Variants in CD8B observed in about 807,000 individuals in gnomAD.
The protein encoded by CD8B is CD8 subunit beta.
A neutral mutation model predicts 24.2 loss-of-function variants in CD8B; 6 were observed. The observed-to-expected ratio is 0.25, with a 90% CI of 0.14 to 0.49. CD8B has a LOEUF of 0.49. Among genes scored for constraint, CD8B ranks in the 20% least tolerant of loss-of-function variants. The pLI is 0.98. For missense variants in CD8B, 196 were observed against 271.3 expected, an observed-to-expected ratio of 0.72 and a Z score of 1.95; for synonymous variants, 84 against 108.3, an observed-to-expected ratio of 0.78 and a Z score of 1.39.
At chr2:86,845,144 A>G (rs1328854714) in intron 4 of CD8B, among the ~76,000 whole-genome samples, 186 bp from the exon 5 acceptor site, 1 of 152,208 alleles carries the variant, frequency 6.6e-6, no homozygotes, top group Non-Finnish European at 1.5e-5. Context: ...TGAGTTGGAT[A>G]CTACTTTTAA....
At chr2:86,848,074 A>T (rs558745331) in intron 3 of CD8B, among the ~76,000 whole-genome samples, 1 of 146,234 alleles carries the variant, frequency 6.8e-6, no homozygotes, top group Admixed American at 7.0e-5. Context: ...TTACTTTTAC[A>T]AATAACTCTG....
intron 1 of CD8B, among the ~76,000 whole-genome samples, chr2:86,860,288 AAAAAATAAAAAT>A (rs1321574349): frequency 6.6e-6 from 1 of 152,156 alleles, no homozygotes; most frequent in South Asian, 2.1e-4. Flanking sequence ...AAAAATTATT[AAAAAATAAAAAT>A]AAAAATAAAA....
At chr2:86,844,980 G>C in intron 4 of CD8B, 22 bp from the exon 5 acceptor site, 2 of 1,556,622 alleles carry the variant, frequency 1.3e-6, no homozygotes, top group Admixed American at 1.9e-5. Flanking sequence ...AAGCAAGGGC[G>C]CCAGTCAGTG....
Position 86,858,054 on chromosome 2 carries a change from T to A in CD8B, c.403+3A>T. ...CACTGATAGCATTGAGCCTGCTTCT[T>A]ACCCACACTCAGCTGAGTTCCCTTC... On this transcript the variant is annotated splice_donor_region_variant and intron_variant, in intron 2 of 5. Coordinates refer to ENST00000390655, the MANE Select transcript of CD8B (RefSeq NM_004931.5). 6.2e-7 allele frequency: 1 copy of A among 1,613,502 alleles called. No homozygotes were observed. The highest frequency in any genetic ancestry group is 8.5e-7 in the Non-Finnish European group (1 of 1,179,436).
chr2:86,844,994 G>T, intron 4 of CD8B, 36 bp from the exon 5 acceptor site: 1 of 1,555,890 alleles, frequency 6.4e-7, no homozygotes, highest in Non-Finnish European at 8.7e-7. Context: ...GTCAGTGTGG[G>T]CTGTGGGTCA....
intron 5 of CD8B, chr2:86,843,549 G>A (rs1402172148): frequency 3.1e-6 from 3 of 982,432 alleles, no homozygotes; most frequent in Admixed American, 6.1e-5. Flanking sequence ...CAGCAGGCAT[G>A]TTTAAGCCAC....
At chr2:86,831,720 A>C (rs1452316625) in intron 5 of CD8B, among the ~76,000 whole-genome samples, 2 of 152,146 alleles carry the variant, frequency 1.3e-5, no homozygotes, top group African/African-American at 2.4e-5. Flanking sequence ...GGATCACTGA[A>C]GCTCCCCTGC....
chr2:86,859,890 T>TA (rs1212859665), intron 1 of CD8B, among the ~76,000 whole-genome samples: 1 of 152,046 alleles, frequency 6.6e-6, no homozygotes, highest in Non-Finnish European at 1.5e-5. Context: ...CGTGGCCCCA[T>TA]AATGGCCTTC....
In CD8B at chr2:86,841,885, C is replaced by G. The variant is rs1247260907; in HGVS notation, c.*422G>C. On this transcript the variant is annotated 3_prime_UTR_variant, in exon 6 of 6. Coordinates refer to ENST00000390655, the MANE Select transcript of CD8B (RefSeq NM_004931.5). ...AAGGTCAGCCCCAGCCTGGGAAGAC[C>G]AAGAGGGAGCCAGCCCAGCATCACC... 8.1e-6 allele frequency: 8 copies of G among 987,938 alleles called. No homozygotes were observed. The highest frequency in any genetic ancestry group is 1.7e-5 in the African/African-American group (1 of 57,362). The allele number at this position is 987,938 out of a possible 1,614,324, so 61.2% of individuals were successfully genotyped here. A position where few individuals can be genotyped will look rare whatever the true frequency, so the allele number is the denominator to read the frequency against.
chr2:86,841,658 T>A lies in CD8B; in HGVS notation c.*649A>T. On this transcript the variant is annotated 3_prime_UTR_variant, in exon 6 of 6. Transcript: ENST00000390655. ...AAACAAACAGAAAATGAAAGAAGCA[T>A]TAAGCCATGGGAGAGTAGAAATGGG... 2.0e-6 allele frequency: 2 copies of A among 984,506 alleles called. No individual in the cohort carries two copies. The highest frequency in any genetic ancestry group is 2.4e-6 in the Non-Finnish European group (2 of 829,170). 61.0% of individuals were successfully genotyped at this position (984,506 alleles called of 1,614,324 possible). A position where few individuals can be genotyped will look rare whatever the true frequency, so the allele number is the denominator to read the frequency against.
chr2:86,819,147 G>A (rs991304378), intron 5 of CD8B, among the ~76,000 whole-genome samples: 4 of 152,184 alleles, frequency 2.6e-5, no homozygotes, highest in Non-Finnish European at 4.4e-5. Flanking sequence ...GATTCAAGTG[G>A]TTTAAGGGAA....
chr2:86,817,962 C>T (rs983071242), intron 5 of CD8B, among the ~76,000 whole-genome samples: 1 of 152,084 alleles, frequency 6.6e-6, no homozygotes, highest in Admixed American at 6.5e-5. Flanking sequence ...GTAATCCCAG[C>T]ACTTTGGGAG....
intron 5 of CD8B, among the ~76,000 whole-genome samples, chr2:86,820,581 T>C (rs985500023): frequency 6.6e-6 from 1 of 152,216 alleles, no homozygotes; most frequent in Non-Finnish European, 1.5e-5. Context: ...GTAGACTACC[T>C]TATAGGGTAA....
At chr2:86,820,662 T>C (rs1240682340) in intron 5 of CD8B, among the ~76,000 whole-genome samples, 1 of 152,216 alleles carries the variant, frequency 6.6e-6, no homozygotes, top group East Asian at 1.9e-4. Context: ...TTTGCTTTAT[T>C]GTGGTGGTCT....
chr2:86,849,120 G>A (rs1426610709), intron 3 of CD8B, among the ~76,000 whole-genome samples: 1 of 152,282 alleles, frequency 6.6e-6, no homozygotes, highest in Non-Finnish European at 1.5e-5. Flanking sequence ...TAAAAGGCAG[G>A]ACCAGGGTGT....
chr2:86,833,750 A>G (rs993372065), downstream of CD8B, among the ~76,000 whole-genome samples: 3 of 150,876 alleles, frequency 2.0e-5, no homozygotes, highest in African/African-American at 7.3e-5. Flanking sequence ...TTCTGGACTA[A>G]AGTGACCCTC....
chr2:86,852,190 TC>T (rs1157957019), intron 3 of CD8B, among the ~76,000 whole-genome samples: 1 of 152,188 alleles, frequency 6.6e-6, no homozygotes, highest in Non-Finnish European at 1.5e-5. Context: ...GGTCTCTAAC[TC>T]CTGAGCTCAA....
At chr2:86,855,928 G>C (rs1676216620) in intron 2 of CD8B, among the ~76,000 whole-genome samples, 1 of 152,156 alleles carries the variant, frequency 6.6e-6, no homozygotes, top group South Asian at 2.1e-4. Flanking sequence ...AGGTCCCCCT[G>C]GATTCCTCCT....
In CD8B at chr2:86,841,354, A is replaced by C. The variant is rs568656499; in HGVS notation, c.*953T>G. Among the ~76,000 whole-genome samples the C allele has an allele frequency of 4.7e-5, 7 of 150,330 alleles. No individual in the cohort carries two copies. Among genetic ancestry groups the C allele is most frequent in the African/African-American group, 1.7e-4 (7 of 40,866 alleles). Reference sequence around the variant, plus strand: ...GGTAGAAATGAACACGTGCTAGTTCAGCTTGGGAGTGGGCTGGGAGAGGGG... The same window carrying C: ...GGTAGAAATGAACACGTGCTAGTTCCGCTTGGGAGTGGGCTGGGAGAGGGG... On this transcript the variant is annotated 3_prime_UTR_variant, in exon 6 of 6. Transcript: ENST00000390655.
Sources: gnomAD v4.1 joint callset for allele counts (sites outside exome capture counted in the v4.1 genomes callset) on GRCh38, gnomAD v4.1.1 for gene constraint, MANE v1.5 for transcripts, NCBI Gene and HGNC (gene_info 2026-07-23, HGNC 2026-07-21) for gene names.